The following TSGA10IP variants were observed in gnomAD, a reference collection of about 807,000 sequenced individuals.
TSGA10IP encodes testis-specific protein 10-interacting protein.
In TSGA10IP, 64 loss-of-function variants were observed where a neutral mutation model predicts 63.2. The ratio of observed to expected loss-of-function variants is 1.01; its 90% CI spans 0.83 to 1.25. TSGA10IP has a LOEUF of 1.25. Among genes scored for constraint, TSGA10IP ranks in the 50% most tolerant of loss-of-function variants. The pLI is 0.00. For synonymous variants in TSGA10IP, 316 were observed against 298.3 expected, an observed-to-expected ratio of 1.06 and a Z score of -0.61; for missense variants, 681 against 710.1, an observed-to-expected ratio of 0.96 and a Z score of 0.47.
At position 65,953,596 on chromosome 11, in the gene TSGA10IP, G is replaced by C. The variant is rs370293382; in HGVS notation, c.1181G>C (p.Arg394Pro). The C allele has an allele frequency of 3.8e-6, 6 of 1,590,346 alleles. No homozygotes were observed. The East Asian group carries it at 1.2e-4, about 31-fold the overall frequency. ...CTGCTGCAGGCCTGGGAGCGGCAGC[G>C]GCAGGAGGAGCGGCAGCAGGCCGAG... Residue 394 changes from arginine to proline, a missense_variant, in exon 5 of 8, where the codon CGG becomes CCG. Physicochemically the swap from Arg to Pro is moderately radical, Grantham distance 103. Transcript: ENST00000532620.
chr11:65,949,126 C>T (rs2134868906), intron 4 of TSGA10IP, among the ~76,000 whole-genome samples: 1 of 152,108 alleles, frequency 6.6e-6, no homozygotes, highest in Non-Finnish European at 1.5e-5. Context: ...ATCTCTTGAG[C>T]CCAGGAGATC....
intron 5 of TSGA10IP, among the ~76,000 whole-genome samples, chr11:65,957,412 G>C (rs756773445): frequency 6.6e-6 from 1 of 152,166 alleles, no homozygotes; most frequent in Admixed American, 6.5e-5. Context: ...GCCAGCTCCT[G>C]TCACTTCTAA....
intron 5 of TSGA10IP, among the ~76,000 whole-genome samples, chr11:65,954,779 C>T (rs1260472154): frequency 6.7e-6 from 1 of 149,232 alleles, no homozygotes; most frequent in Non-Finnish European, 1.5e-5. Context: ...AATTGAGCCA[C>T]TACACTCCAG....
At chr11:65,954,171 T>TC (rs1417758854) in intron 5 of TSGA10IP, among the ~76,000 whole-genome samples, 1 of 150,490 alleles carries the variant, frequency 6.6e-6, no homozygotes, top group East Asian at 1.9e-4. Context: ...CATTTTCCTT[T>TC]TTTTTTTTTT....
intron 1 of TSGA10IP, 145 bp from the exon 2 acceptor site, chr11:65,946,735 T>C: frequency 2.3e-6 from 2 of 881,354 alleles, no homozygotes; most frequent in Non-Finnish European, 3.4e-6. Flanking sequence ...CATCCAGCCC[T>C]GTTTGGTTGG....
intron 4 of TSGA10IP, among the ~76,000 whole-genome samples, chr11:65,952,278 CT>C (rs1854956075): frequency 6.6e-6 from 1 of 152,180 alleles, no homozygotes; most frequent in Non-Finnish European, 1.5e-5. Context: ...TATGTCATCT[CT>C]GTTGATTGTT....
intron 7 of TSGA10IP, 109 bp from the exon 8 acceptor site, chr11:65,959,708 C>G: frequency 7.0e-7 from 1 of 1,427,594 alleles, no homozygotes; most frequent in Non-Finnish European, 9.3e-7. Flanking sequence ...TGCCCAGGAT[C>G]ACACAGCAAG....
intron 5 of TSGA10IP, among the ~76,000 whole-genome samples, chr11:65,955,562 G>A (rs956069782): frequency 9.9e-5 from 15 of 151,636 alleles, no homozygotes; most frequent in Middle Eastern, 3.4e-3. Flanking sequence ...GCAGTGAGCC[G>A]AGACTGCACC....
At chr11:65,951,104 G>A (rs991237166) in intron 4 of TSGA10IP, among the ~76,000 whole-genome samples, 3 of 152,036 alleles carry the variant, frequency 2.0e-5, no homozygotes, top group Non-Finnish European at 2.9e-5. Context: ...TTCTTCTGTT[G>A]ATGGAATCTT....
intron 4 of TSGA10IP, among the ~76,000 whole-genome samples, chr11:65,949,123 G>T (rs2134868896): frequency 1.3e-5 from 2 of 152,246 alleles, no homozygotes; most frequent in East Asian, 3.9e-4. Flanking sequence ...AGGATCTCTT[G>T]AGCCCAGGAG....
intron 4 of TSGA10IP, among the ~76,000 whole-genome samples, chr11:65,948,542 G>T (rs1478131802): frequency 1.3e-5 from 2 of 152,208 alleles, no homozygotes; most frequent in Non-Finnish European, 2.9e-5. Context: ...TGGGCATGGT[G>T]ACACGTGCTT....
chr11:65,946,305 C>T (rs1171778557), intron 1 of TSGA10IP, among the ~76,000 whole-genome samples: 2 of 152,078 alleles, frequency 1.3e-5, no homozygotes, highest in Non-Finnish European at 2.9e-5. Context: ...TACCGGCCTC[C>T]TAGGGTCCTT....
chr11:65,953,479 C>T (rs1854972929), intron 4 of TSGA10IP, 88 bp from the exon 5 acceptor site: 1 of 1,456,108 alleles, frequency 6.9e-7, no homozygotes, highest in South Asian at 1.4e-5. Context: ...TCCCCACAGG[C>T]TTCCATATTC....
At chr11:65,959,106 C>G in intron 6 of TSGA10IP, 84 bp from the exon 7 acceptor site, 1 of 1,568,162 alleles carries the variant, frequency 6.4e-7, no homozygotes. Context: ...CTCTGGAATC[C>G]CTGGGACCCC....
exon 7 of TSGA10IP, chr11:65,959,246 G>A (rs755962821): frequency 1.7e-5 from 28 of 1,609,668 alleles, no homozygotes; most frequent in Non-Finnish European, 2.2e-5. Flanking sequence ...CAGCACTGGG[G>A]CTGGATGAGG....
At chr11:65,946,579 A>G (rs553259306) in intron 1 of TSGA10IP, among the ~76,000 whole-genome samples, 2 of 152,178 alleles carry the variant, frequency 1.3e-5, no homozygotes, top group South Asian at 4.1e-4. Flanking sequence ...TTACAGGCGC[A>G]GGCCACCACA....
chr11:65,959,216 G>A, exon 7 of TSGA10IP: 5 of 1,606,736 alleles, frequency 3.1e-6, no homozygotes, highest in Non-Finnish European at 4.2e-6. Flanking sequence ...CCGTCACTCG[G>A]CGCTTCTCCC....
At chr11:65,947,404 G>A in exon 3 of TSGA10IP, 2 of 1,613,350 alleles carry the variant, frequency 1.2e-6, no homozygotes, top group Non-Finnish European at 1.7e-6. Flanking sequence ...TAGGATCAGA[G>A]CCCCCCAGTG....
exon 8 of TSGA10IP, chr11:65,959,835 G>A: frequency 6.4e-7 from 1 of 1,571,504 alleles, no homozygotes. Flanking sequence ...GGTCAATGGG[G>A]GTGAGAATGG....
Sources: gnomAD v4.1 joint callset for allele counts (sites outside exome capture counted in the v4.1 genomes callset) on GRCh38, gnomAD v4.1.1 for gene constraint, MANE v1.5 for transcripts, NCBI Gene and HGNC (gene_info 2026-07-23, HGNC 2026-07-21) for gene names.